MAP3K3: variants seen among roughly 807,000 people sequenced by gnomAD.
The protein encoded by MAP3K3 is MAP/ERK kinase kinase 3.
MAP3K3 carries 12 observed loss-of-function variants against 80.9 expected under a neutral mutation model. The observed-to-expected ratio is 0.15, with a 90% CI of 0.10 to 0.24. The LOEUF (loss-of-function observed/expected upper bound fraction) is 0.24. Among genes scored for constraint, MAP3K3 ranks in the 10% least tolerant of loss-of-function variants. MAP3K3 has a pLI of 1.00. For missense variants in MAP3K3, 596 were observed against 834.7 expected, an observed-to-expected ratio of 0.71 and a Z score of 3.52; for synonymous variants, 272 against 307.1, an observed-to-expected ratio of 0.89 and a Z score of 1.19.
chr17:63,675,411 C>T (rs962370670), intron 6 of MAP3K3, among the ~76,000 whole-genome samples: 2 of 152,214 alleles, frequency 1.3e-5, no homozygotes, highest in African/African-American at 2.4e-5. Context: ...GAACTCCCTG[C>T]GGAGACAACT....
At chr17:63,630,450 C>T (rs1338076594) in intron 1 of MAP3K3, among the ~76,000 whole-genome samples, 1 of 152,170 alleles carries the variant, frequency 6.6e-6, no homozygotes, top group Non-Finnish European at 1.5e-5. Context: ...ACCTAAGCCT[C>T]TCAAGTAGCT....
intron 1 of MAP3K3, among the ~76,000 whole-genome samples, chr17:63,625,162 T>G (rs536945230): frequency 4.6e-5 from 7 of 152,348 alleles, no homozygotes; most frequent in African/African-American, 1.7e-4. Flanking sequence ...CCTGAGCTGT[T>G]CTAAGCCCAA....
At chr17:63,637,568 G>A (rs531968088) in intron 2 of MAP3K3, among the ~76,000 whole-genome samples, 7 of 152,284 alleles carry the variant, frequency 4.6e-5, no homozygotes, top group African/African-American at 1.7e-4. Flanking sequence ...AAGTTGCAGT[G>A]GTTATGTCAC....
At chr17:63,625,021 G>A (rs918334935) in intron 1 of MAP3K3, among the ~76,000 whole-genome samples, 2 of 152,164 alleles carry the variant, frequency 1.3e-5, no homozygotes, top group African/African-American at 2.4e-5. Flanking sequence ...TAAACTCAAA[G>A]GATTGATAAG....
At chr17:63,654,316 C>T (rs904766592) in intron 4 of MAP3K3, among the ~76,000 whole-genome samples, 3 of 152,184 alleles carry the variant, frequency 2.0e-5, no homozygotes, top group African/African-American at 4.8e-5. Flanking sequence ...TGCAATCATA[C>T]AGTACGTGAC....
In MAP3K3 at chr17:63,691,970, G is replaced by A. The variant is rs1201853727; in HGVS notation, c.1474+108G>A. The A allele has an allele frequency of 2.3e-6, 3 of 1,292,254 alleles. No homozygotes were observed. The highest frequency in any genetic ancestry group is 3.2e-6 in the Non-Finnish European group (3 of 924,142). The allele number at this position is 1,292,254 out of a possible 1,614,324, so 80.0% of individuals were successfully genotyped here. On this transcript the variant is annotated intron_variant, in intron 14 of 15. Transcript: ENST00000361733. This position sits in a 1 kb window ranked among gnomAD's most constrained non-coding sequence, Gnocchi z 4.8. ...CCATTCTGAACTTTCTGAAAAGTGG[G>A]ACCCCAGTTGTTTCCCTGAGGAACT...
chr17:63,658,062 A>G (rs1290011979), intron 5 of MAP3K3, among the ~76,000 whole-genome samples, 155 bp downstream of exon 5: 2 of 152,260 alleles, frequency 1.3e-5, no homozygotes, highest in East Asian at 3.8e-4. Context: ...GCCAGTGAAC[A>G]TTCTGCATTT....
chr17:63,622,994 C>CTT (rs1289596066), intron 1 of MAP3K3, among the ~76,000 whole-genome samples: 3 of 149,684 alleles, frequency 2.0e-5, no homozygotes, highest in Non-Finnish European at 4.5e-5. Context: ...GGCAGCCCTC[C>CTT]TTCTGGGCGG....
At chr17:63,647,196 G>T (rs986658908) in intron 3 of MAP3K3, among the ~76,000 whole-genome samples, 3 of 152,156 alleles carry the variant, frequency 2.0e-5, no homozygotes, top group Non-Finnish European at 2.9e-5. Flanking sequence ...TGGAAGCATT[G>T]TGGAAAGTGT....
chr17:63,688,864 A>G lies in MAP3K3; in HGVS notation c.854A>G (p.His285Arg). The G allele has an allele frequency of 1.2e-6, 2 of 1,613,818 alleles. No individual in the cohort carries two copies. The highest frequency in any genetic ancestry group is 1.1e-5 in the South Asian group (1 of 91,078). ...YPRRYHVSVH[H>R]KDYSDGRRTF... ...CGGCGCTACCACGTGTCTGTGCACCACAAGGACTACAGTGATGGTGAGTTC... is the reference window on the plus strand; with the variant it reads ...CGGCGCTACCACGTGTCTGTGCACCGCAAGGACTACAGTGATGGTGAGTTC... The change falls in exon 10 of 16, where the codon CAC (histidine) becomes CGC (arginine). Residue 285 changes from histidine (H) to arginine (R), a missense_variant. By Grantham distance (29) the His-to-Arg change is conservative (BLOSUM62 0). Coordinates refer to ENST00000361733, the MANE Select transcript of MAP3K3 (RefSeq NM_002401.5).
At position 63,689,656 on chromosome 17, in the gene MAP3K3, C is replaced by T. The variant is rs1168199508; in HGVS notation, c.984C>T (p.Tyr328=). 4 of 1,613,874 alleles carry T rather than the reference C, an allele frequency of 2.5e-6. No individual in the cohort carries two copies. Among genetic ancestry groups the T allele is most frequent in the Admixed American group, 3.3e-5 (2 of 59,964 alleles). The change falls in exon 11 of 16, where the codon TAC becomes TAT. Residue 328 remains tyrosine (Y), a synonymous_variant. Transcript: ENST00000361733. The surrounding 1 kb of genome is among the most constrained non-coding windows in gnomAD (Gnocchi z 4.3). The part of the protein sequence containing the change: ...NGENMGLAVQ[Y]LDPRGRLRSA... ...AGAACATGGGTCTGGCTGTGCAATA[C>T]CTGGACCCCCGTGGGCGCCTGCGGA...
At chr17:63,645,164 G>T (rs2034517267) in intron 2 of MAP3K3, among the ~76,000 whole-genome samples, 1 of 152,090 alleles carries the variant, frequency 6.6e-6, no homozygotes, top group African/African-American at 2.4e-5. Flanking sequence ...TCCTTTGCCT[G>T]GCACTGGGGA....
In MAP3K3 at chr17:63,659,525, CT is replaced by C. The variant is rs57166616; in HGVS notation, c.381+1642del. ...CTTTTGATTTCAAATCTGTCATGGACTTTTTTTTTTTTTTTTTTTTTTTTGG... is the reference window on the plus strand; with the variant it reads ...CTTTTGATTTCAAATCTGTCATGGACTTTTTTTTTTTTTTTTTTTTTTTGG... On this transcript the variant is annotated intron_variant, in intron 5 of 15. Transcript: ENST00000361733. 7.9e-3 allele frequency among the ~76,000 whole-genome samples: 510 copies of C among 64,562 alleles called. 1 individual carries two copies. Among genetic ancestry groups the C allele is most frequent in the African/African-American group, 0.033 (466 of 13,916 alleles). The allele number at this position is 64,562 out of a possible 152,430, so 42.4% of individuals were successfully genotyped here. A position where few individuals can be genotyped will look rare whatever the true frequency, so the allele number is the denominator to read the frequency against.
intron 6 of MAP3K3, chr17:63,673,045 A>G (rs1410142802): frequency 2.0e-5 from 3 of 152,212 alleles, no homozygotes; most frequent in South Asian, 2.1e-4. Context: ...TCGTTTACAT[A>G]CATGTGAATA....
chr17:63,642,766 A>T (rs1163917371), intron 2 of MAP3K3, among the ~76,000 whole-genome samples: 1 of 152,048 alleles, frequency 6.6e-6, no homozygotes, highest in Non-Finnish European at 1.5e-5. Flanking sequence ...TTGTTTCAAT[A>T]TATTTTTGAG....
intron 8 of MAP3K3, among the ~76,000 whole-genome samples, chr17:63,688,021 T>C (rs531034884): frequency 1.9e-4 from 29 of 152,318 alleles, no homozygotes; most frequent in African/African-American, 6.7e-4. Context: ...TAGGGGTGTC[T>C]GTGAAGACAG....
intron 2 of MAP3K3, among the ~76,000 whole-genome samples, chr17:63,644,163 A>G: frequency 6.6e-6 from 1 of 152,176 alleles, no homozygotes; most frequent in South Asian, 2.1e-4. Flanking sequence ...TATCATTATT[A>G]TTAATGGATA....
intron 4 of MAP3K3, among the ~76,000 whole-genome samples, chr17:63,657,017 G>T (rs2034785079): frequency 6.6e-6 from 1 of 152,162 alleles, no homozygotes; most frequent in Admixed American, 6.6e-5. Context: ...TCAGGTTCTA[G>T]TCACTGACTT....
At chr17:63,675,837 G>A (rs1162868135) in intron 6 of MAP3K3, among the ~76,000 whole-genome samples, 2 of 152,292 alleles carry the variant, frequency 1.3e-5, no homozygotes, top group Non-Finnish European at 2.9e-5. Flanking sequence ...TGAGACCTAC[G>A]GAATGAGCTG....
Sources: gnomAD v4.1 joint callset for allele counts (sites outside exome capture counted in the v4.1 genomes callset) on GRCh38, gnomAD v4.1.1 for gene constraint, Gnocchi (gnomAD v3.1) non-coding constraint, MANE v1.5 for transcripts, NCBI Gene and HGNC (gene_info 2026-07-23, HGNC 2026-07-21) for gene names.